PDSS2: variants seen among roughly 807,000 people sequenced by gnomAD.
PDSS2 encodes all trans-polyprenyl-diphosphate synthase PDSS2.
Under a neutral mutation model 44.5 loss-of-function variants are expected in PDSS2, and 31 were observed. The observed-to-expected ratio is 0.70, with a 90% CI of 0.52 to 0.94. The LOEUF (loss-of-function observed/expected upper bound fraction) is 0.94. PDSS2 is among the 40% of genes least tolerant of loss of function. The pLI is 0.00. For synonymous variants in PDSS2, 157 were observed against 180.3 expected (o/e 0.87, Z 1.03); for missense variants, 452 against 482.2 (o/e 0.94, Z 0.59).
intron 2 of PDSS2, among the ~76,000 whole-genome samples, chr6:107,307,296 T>C (rs1001108616): frequency 5.9e-5 from 9 of 152,128 alleles, no homozygotes; most frequent in African/African-American, 2.2e-4. Context: ...TGGATAAAAA[T>C]AATAATAATC....
At chr6:107,327,964 T>A (rs1216222368) in intron 2 of PDSS2, among the ~76,000 whole-genome samples, 1 of 152,236 alleles carries the variant, frequency 6.6e-6, no homozygotes, top group East Asian at 1.9e-4. Flanking sequence ...GTAAAACATG[T>A]GTTTCAAATG....
At chr6:107,168,773 A>G (rs1421786884) in intron 7 of PDSS2, among the ~76,000 whole-genome samples, 2 of 151,822 alleles carry the variant, frequency 1.3e-5, no homozygotes, top group Admixed American at 1.3e-4. Context: ...TGGGTTGAAA[A>G]TTCTTTTCTT....
At chr6:107,356,713 A>G (rs917037848) in intron 1 of PDSS2, among the ~76,000 whole-genome samples, 13 of 152,230 alleles carry the variant, frequency 8.5e-5, no homozygotes, top group African/African-American at 3.1e-4. Context: ...AGTAAAGAGA[A>G]ATAAAATAAT....
chr6:107,351,889 GT>G (rs1024720771), intron 1 of PDSS2, among the ~76,000 whole-genome samples: 1 of 151,996 alleles, frequency 6.6e-6, no homozygotes, highest in Non-Finnish European at 1.5e-5. Context: ...ATTGATATAC[GT>G]TTCTGAAACA....
chr6:107,336,364 A>C (rs1777894184), intron 1 of PDSS2, among the ~76,000 whole-genome samples: 1 of 152,014 alleles, frequency 6.6e-6, no homozygotes, highest in Admixed American at 6.6e-5. Flanking sequence ...AAGACAAATC[A>C]TTAGGTTCTC....
chr6:107,390,964 T>C (rs2114524777), intron 1 of PDSS2, among the ~76,000 whole-genome samples: 1 of 152,034 alleles, frequency 6.6e-6, no homozygotes, highest in South Asian at 2.1e-4. Flanking sequence ...TCATAGCTAT[T>C]TTTTTAACCT....
chr6:107,361,004 C>T (rs1337648259), intron 1 of PDSS2, among the ~76,000 whole-genome samples: 1 of 152,054 alleles, frequency 6.6e-6, no homozygotes, highest in Non-Finnish European at 1.5e-5. Flanking sequence ...GAAAAAACTG[C>T]AATGCCAAAC....
chr6:107,164,331 G>A (rs962627792), intron 7 of PDSS2, among the ~76,000 whole-genome samples: 7 of 152,018 alleles, frequency 4.6e-5, no homozygotes, highest in Admixed American at 2.6e-4. Flanking sequence ...CCCACCCCAC[G>A]ACAGGCCCTG....
intron 1 of PDSS2, among the ~76,000 whole-genome samples, chr6:107,421,537 G>A (rs1374224237): frequency 6.6e-6 from 1 of 152,014 alleles, no homozygotes; most frequent in Non-Finnish European, 1.5e-5. Flanking sequence ...CACAACTTAG[G>A]TGGATCACAA....
At chr6:107,438,412 C>T (rs920446922) in intron 1 of PDSS2, among the ~76,000 whole-genome samples, 2 of 152,118 alleles carry the variant, frequency 1.3e-5, no homozygotes, top group East Asian at 1.9e-4. Context: ...TACAAAGTTT[C>T]GCATGTTGGC....
chr6:107,154,705 C>T lies in PDSS2; in HGVS notation c.1114G>A (p.Ala372Thr). Residue 372 changes from alanine (A) to threonine (T), a missense_variant, in exon 8 of 8, where the codon GCA becomes ACA. Ala to Thr is a moderately conservative substitution (Grantham distance 58). Transcript: ENST00000369037. ...GGAAAGCTCTCCAGGGCCTCCAGTG[C>T]CTTGTTTCCATGGTAACGACACAGG... ...IDLCRYHGNK[A>T]LEALESFPPS... 6.2e-7 allele frequency: 1 copy of T among 1,614,050 alleles called. No individual in the cohort carries two copies. The highest frequency in any genetic ancestry group is 8.5e-7 in the Non-Finnish European group (1 of 1,179,938).
intron 4 of PDSS2, among the ~76,000 whole-genome samples, chr6:107,223,470 G>T (rs1219299870): frequency 6.6e-6 from 1 of 151,138 alleles, no homozygotes; most frequent in African/African-American, 2.5e-5. Flanking sequence ...GGGAGGTGGA[G>T]GTTGCAGTGA....
At chr6:107,442,122 A>G (rs1305330903) in intron 1 of PDSS2, among the ~76,000 whole-genome samples, 1 of 152,116 alleles carries the variant, frequency 6.6e-6, no homozygotes, top group Admixed American at 6.5e-5. Context: ...AAGTAATCCA[A>G]AATCAATTTC....
chr6:107,456,897 A>G (rs531973886), intron 1 of PDSS2, among the ~76,000 whole-genome samples: 1 of 152,050 alleles, frequency 6.6e-6, no homozygotes, highest in African/African-American at 2.4e-5. Context: ...GGAGTCAGGG[A>G]GATGGACTGA....
chr6:107,450,658 T>G (rs577322658), intron 1 of PDSS2, among the ~76,000 whole-genome samples: 35 of 152,280 alleles, frequency 2.3e-4, no homozygotes, highest in African/African-American at 8.2e-4. Flanking sequence ...AATACATATA[T>G]GTAGGATTTT....
At chr6:107,448,225 C>T (rs1418454583) in intron 1 of PDSS2, among the ~76,000 whole-genome samples, 1 of 152,114 alleles carries the variant, frequency 6.6e-6, no homozygotes, top group Non-Finnish European at 1.5e-5. Context: ...CATTTGGCTC[C>T]TCATTACTTA....
intron 1 of PDSS2, among the ~76,000 whole-genome samples, chr6:107,421,011 G>C (rs319090): frequency 1.3e-5 from 2 of 152,020 alleles, no homozygotes; most frequent in Admixed American, 1.3e-4. Context: ...GAAACAAACA[G>C]TCTATTTGAA....
chr6:107,264,519 A>AT, intron 3 of PDSS2: 1 of 1,483,156 alleles, frequency 6.7e-7, no homozygotes, highest in South Asian at 1.2e-5. Context: ...ATGACTACAA[A>AT]GAAAAAAAAA....
intron 2 of PDSS2, among the ~76,000 whole-genome samples, chr6:107,287,025 C>A (rs904695137): frequency 4.0e-5 from 6 of 149,786 alleles, no homozygotes; most frequent in African/African-American, 1.5e-4. Context: ...GGTGACAGAG[C>A]AAGACTCCGT....
Sources: allele counts gnomAD v4.1 joint callset (sites outside exome capture counted in the v4.1 genomes callset), GRCh38; gene constraint gnomAD v4.1.1; transcripts MANE v1.5; gene names NCBI Gene and HGNC (gene_info 2026-07-23, HGNC 2026-07-21).